CACNA1C: variants seen among roughly 807,000 people sequenced by gnomAD.
CACNA1C encodes the protein calcium voltage-gated channel subunit alpha1 C.
CACNA1C carries 30 observed loss-of-function variants against 229.0 expected under a neutral mutation model. The observed-to-expected ratio is 0.13, with a 90% CI of 0.10 to 0.18. CACNA1C has a LOEUF of 0.18. Ranked by LOEUF, CACNA1C falls within the 10% of genes least tolerant of loss-of-function variation. The pLI, the probability that CACNA1C is intolerant of heterozygous loss-of-function variation, is 1.00. For missense variants in CACNA1C, 1,658 were observed against 2,845.0 expected (o/e 0.58, Z 9.49); for synonymous variants, 1,114 against 1,132.5 (o/e 0.98, Z 0.33).
At chr12:2,448,761 C>A (rs1271414817) in intron 3 of CACNA1C, among the ~76,000 whole-genome samples, 1 of 89,482 alleles carries the variant, frequency 1.1e-5, no homozygotes, top group Non-Finnish European at 2.8e-5. Context: ...AACTTTGATG[C>A]AGAAAAAAAA....
chr12:2,487,300 A>G (rs2099701529), intron 6 of CACNA1C, among the ~76,000 whole-genome samples: 1 of 151,712 alleles, frequency 6.6e-6, no homozygotes, highest in Non-Finnish European at 1.5e-5. Context: ...TTCTCCATCG[A>G]CACTGCACCT....
At chr12:2,065,411 T>C (rs540888553) in intron 1 of CACNA1C, among the ~76,000 whole-genome samples, 2 of 152,304 alleles carry the variant, frequency 1.3e-5, no homozygotes, top group African/African-American at 4.8e-5. Flanking sequence ...TCTAAATAGT[T>C]TTTTTTCCTC....
chr12:2,128,593 A>G (rs547112674), intron 3 of CACNA1C, among the ~76,000 whole-genome samples: 1 of 152,170 alleles, frequency 6.6e-6, no homozygotes, highest in East Asian at 1.9e-4. Flanking sequence ...TTGTATTTTT[A>G]GTAGAGACGG....
chr12:2,389,483 C>A (rs2098449054), intron 3 of CACNA1C, among the ~76,000 whole-genome samples: 1 of 152,142 alleles, frequency 6.6e-6, no homozygotes. Context: ...GCTGGCTAAA[C>A]TTTAAGTAAA....
At position 2,240,700 on chromosome 12, in the gene CACNA1C, A is replaced by G. The variant is rs151330535; in HGVS notation, c.477+120270A>G. Among the ~76,000 whole-genome samples the G allele has an allele frequency of 2.6e-5, 4 of 152,294 alleles. No homozygotes were observed. In the East Asian group the frequency reaches 7.7e-4, roughly 29 times the overall value. ...GCTAATGGGTATTGACTGAAGGGAC[A>G]AGGTGCCTTCTCCACCCATGCTTGG... is the stretch of plus-strand genomic sequence containing the variant. On this transcript the variant is annotated intron_variant, in intron 3 of 46. Coordinates refer to ENST00000399655, the MANE Select transcript of CACNA1C (RefSeq NM_000719.7).
At position 2,595,870 on chromosome 12, in the gene CACNA1C, A is replaced by T; in HGVS notation, c.2664-4A>T. 6.2e-7 allele frequency: 1 copy of T among 1,613,078 alleles called. No homozygotes were observed. Among genetic ancestry groups the T allele is most frequent in the Non-Finnish European group, 8.5e-7 (1 of 1,179,596 alleles). On this transcript the variant is annotated splice_polypyrimidine_tract_variant and splice_region_variant and intron_variant, in intron 19 of 46. Coordinates refer to ENST00000399655, the MANE Select transcript of CACNA1C (RefSeq NM_000719.7). The surrounding 1 kb of genome is among the most constrained non-coding windows in gnomAD (Gnocchi z 4.1). Reference sequence around the variant, plus strand: ...TCTCTCCTCCTGTCCCCTCTCCCGTACAGGTTTCGCCTCCAGTGCCACCGC... The same window carrying T: ...TCTCTCCTCCTGTCCCCTCTCCCGTTCAGGTTTCGCCTCCAGTGCCACCGC...
intron 18 of CACNA1C, among the ~76,000 whole-genome samples, chr12:2,592,613 C>T (rs759008857): frequency 9.9e-5 from 15 of 152,008 alleles, no homozygotes; most frequent in East Asian, 1.9e-4. Flanking sequence ...AGAACGAAGG[C>T]GCTTCTTTAA....
Position 2,566,359 on chromosome 12 carries a change from T to C in CACNA1C, c.1509-63T>C. ...GCGAGAAGAGCCATGGTGCTGCATCTTGGGTTGGAGGAAACCTGAATTCAC... is the reference window on the plus strand; with the variant it reads ...GCGAGAAGAGCCATGGTGCTGCATCCTGGGTTGGAGGAAACCTGAATTCAC... On this transcript the variant is annotated intron_variant, in intron 11 of 46. Coordinates refer to ENST00000399655, the MANE Select transcript of CACNA1C (RefSeq NM_000719.7). This position sits in a 1 kb window ranked among gnomAD's most constrained non-coding sequence, Gnocchi z 4.0. The C allele has an allele frequency of 7.0e-7, 1 of 1,437,174 alleles. No homozygotes were observed. The highest frequency in any genetic ancestry group is 9.4e-7 in the Non-Finnish European group (1 of 1,058,986). The allele number at this position is 1,437,174 out of a possible 1,614,324, so 89.0% of individuals were successfully genotyped here. A position where few individuals can be genotyped will look rare whatever the true frequency, so the allele number is the denominator to read the frequency against.
chr12:2,330,568 C>T (rs950545974), intron 3 of CACNA1C, among the ~76,000 whole-genome samples: 4 of 152,210 alleles, frequency 2.6e-5, no homozygotes, highest in Admixed American at 2.0e-4. Context: ...AGCCTGGCTT[C>T]AGTCCAGAGG....
chr12:2,269,959 G>A (rs2084119252), intron 3 of CACNA1C: 1 of 152,216 alleles, frequency 6.6e-6, no homozygotes, highest in Non-Finnish European at 1.5e-5. Context: ...GACATGGAAA[G>A]AAAACACCCT....
chr12:2,295,116 C>T (rs2093917015), intron 3 of CACNA1C, among the ~76,000 whole-genome samples: 2 of 152,168 alleles, frequency 1.3e-5, no homozygotes, highest in Non-Finnish European at 2.9e-5. Flanking sequence ...TTCATGTGTG[C>T]CTCTGAGAGT....
intron 3 of CACNA1C, among the ~76,000 whole-genome samples, chr12:2,163,998 G>A (rs1374033497): frequency 6.6e-6 from 1 of 152,108 alleles, no homozygotes; most frequent in African/African-American, 2.4e-5. Context: ...GGAAAACCAA[G>A]CTGCCCGCCA....
chr12:2,665,706 C>CAAGT lies in CACNA1C; in HGVS notation c.4526+3_4526+6dup. 5.6e-6 allele frequency: 9 copies of CAAGT among 1,611,518 alleles called. No homozygotes were observed. The highest frequency in any genetic ancestry group is 7.6e-6 in the Non-Finnish European group (9 of 1,178,638). The stretch of plus-strand genomic sequence containing the variant: ...TCTGGGCAGAGTATGACCCTGAAGC[C>CAAGT]AAGTAAGTTCCCAGAGGGAAATCCT... On this transcript the variant is annotated frameshift_variant and splice_region_variant, in exon 36 of 47. Coordinates refer to ENST00000399655, the MANE Select transcript of CACNA1C (RefSeq NM_000719.7). LOFTEE classifies it high-confidence loss of function. The surrounding 1 kb of genome is among the most constrained non-coding windows in gnomAD (Gnocchi z 5.9).
chr12:2,355,559 T>C (rs2097337258), intron 3 of CACNA1C, among the ~76,000 whole-genome samples: 1 of 152,230 alleles, frequency 6.6e-6, no homozygotes, highest in Admixed American at 6.5e-5. Flanking sequence ...CCCTACTGAC[T>C]CTGTTAGGCC....
intron 3 of CACNA1C, among the ~76,000 whole-genome samples, chr12:2,357,169 G>T (rs980091688): frequency 1.3e-5 from 2 of 152,178 alleles, no homozygotes; most frequent in African/African-American, 4.8e-5. Context: ...TTCTTTCCAA[G>T]ATTGGATTTT....
At chr12:2,076,998 T>C in intron 1 of CACNA1C, among the ~76,000 whole-genome samples, 1 of 152,232 alleles carries the variant, frequency 6.6e-6, no homozygotes, top group African/African-American at 2.4e-5. Context: ...CATGCTGGGC[T>C]CACTAGCTGT....
chr12:2,450,769 T>C (rs1209080132), intron 4 of CACNA1C, among the ~76,000 whole-genome samples: 1 of 151,950 alleles, frequency 6.6e-6, no homozygotes, highest in East Asian at 1.9e-4. Flanking sequence ...AGAGTCAAGG[T>C]CAGAATGTCA....
intron 6 of CACNA1C, among the ~76,000 whole-genome samples, chr12:2,491,329 A>T (rs1400003664): frequency 6.6e-6 from 1 of 152,190 alleles, no homozygotes; most frequent in Non-Finnish European, 1.5e-5. Context: ...AAACTTACTA[A>T]AAATAATTAA....
intron 3 of CACNA1C, among the ~76,000 whole-genome samples, chr12:2,145,691 C>G (rs537563832): frequency 6.6e-6 from 1 of 151,362 alleles, no homozygotes; most frequent in East Asian, 1.9e-4. Context: ...GTGAGGAAAA[C>G]GCTAGATTAA....
Sources: gnomAD v4.1 joint callset for allele counts (sites outside exome capture counted in the v4.1 genomes callset) on GRCh38, gnomAD v4.1.1 for gene constraint, Gnocchi (gnomAD v3.1) non-coding constraint, MANE v1.5 for transcripts, NCBI Gene and HGNC (gene_info 2026-07-23, HGNC 2026-07-21) for gene names.